SHISAL1: variants seen among roughly 807,000 people sequenced by gnomAD.
SHISAL1 encodes the protein protein shisa-like-1.
SHISAL1 carries 9 observed loss-of-function variants against 22.6 expected under a neutral mutation model. That is an observed-to-expected ratio of 0.40 (90% CI 0.24 to 0.70). SHISAL1 has a LOEUF of 0.70. Among genes scored for constraint, SHISAL1 ranks in the 30% least tolerant of loss-of-function variants. SHISAL1 has a pLI of 0.39. For synonymous variants in SHISAL1, 119 were observed against 115.4 expected (o/e 1.03, Z -0.20); for missense variants, 246 against 270.6 (o/e 0.91, Z 0.64).
At chr22:44,252,849 T>C (rs112033551) in intron 4 of SHISAL1, among the ~76,000 whole-genome samples, 1 of 150,434 alleles carries the variant, frequency 6.6e-6, no homozygotes, top group Non-Finnish European at 1.5e-5. Flanking sequence ...AAAAAAATTA[T>C]CCGGGCGTGG....
At chr22:44,326,726 G>C in the SHISAL1 span, among the ~76,000 whole-genome samples, 6 of 152,080 alleles carry the variant, frequency 3.9e-5, no homozygotes, top group Non-Finnish European at 7.4e-5. Context: ...GAGCAGGCTG[G>C]GGGGTATGGG....
intron 3 of SHISAL1, among the ~76,000 whole-genome samples, chr22:44,287,982 G>A (rs1052456457): frequency 6.6e-6 from 1 of 152,216 alleles, no homozygotes; most frequent in Admixed American, 6.5e-5. Context: ...GATGCTGTCC[G>A]CAGAAGGGGT....
At chr22:44,327,462 T>C in the SHISAL1 span, among the ~76,000 whole-genome samples, 1 of 151,596 alleles carries the variant, frequency 6.6e-6, no homozygotes, top group Non-Finnish European at 1.5e-5. Context: ...AAGGGGCTCA[T>C]GATAACTGGG....
At chr22:44,294,488 C>T (rs2055373241) in intron 3 of SHISAL1, among the ~76,000 whole-genome samples, 2 of 152,170 alleles carry the variant, frequency 1.3e-5, no homozygotes, top group South Asian at 2.1e-4. Flanking sequence ...TGAAAAAATA[C>T]ATCTGCCCCA....
chr22:44,330,110 T>C, the SHISAL1 span, among the ~76,000 whole-genome samples: 51 of 152,326 alleles, frequency 3.3e-4, no homozygotes, highest in African/African-American at 1.2e-3. Flanking sequence ...AGGGCCCTCA[T>C]TTTATAGTCT....
At chr22:44,300,124 CAG>C (rs199708708) in intron 2 of SHISAL1, among the ~76,000 whole-genome samples, 106 of 149,474 alleles carry the variant, frequency 7.1e-4, no homozygotes, top group African/African-American at 2.5e-3. Context: ...GAGACAGAGA[CAG>C]AGAGACAGAG....
the SHISAL1 span, among the ~76,000 whole-genome samples, chr22:44,318,900 C>T: frequency 6.6e-6 from 1 of 152,194 alleles, no homozygotes; most frequent in East Asian, 1.9e-4. Context: ...GACTGGCACC[C>T]AGATCTCTCA....
intron 1 of SHISAL1, among the ~76,000 whole-genome samples, chr22:44,308,554 G>A (rs1382231570): frequency 2.0e-5 from 3 of 152,152 alleles, no homozygotes; most frequent in African/African-American, 7.2e-5. Context: ...CACCTCTCAG[G>A]GCAGTTCTTC....
chr22:44,259,403 A>C (rs1478493117), intron 4 of SHISAL1, among the ~76,000 whole-genome samples: 1 of 151,774 alleles, frequency 6.6e-6, no homozygotes, highest in Non-Finnish European at 1.5e-5. Context: ...GCGCCACTGC[A>C]CTCCAGCTCG....
intron 4 of SHISAL1, among the ~76,000 whole-genome samples, chr22:44,268,559 A>G (rs978468733): frequency 5.3e-5 from 8 of 152,182 alleles, no homozygotes; most frequent in African/African-American, 1.9e-4. Flanking sequence ...CGGGACTCCC[A>G]GCCCAGGGTT....
chr22:44,324,407 G>A, the SHISAL1 span, among the ~76,000 whole-genome samples: 1 of 152,124 alleles, frequency 6.6e-6, no homozygotes, highest in Non-Finnish European at 1.5e-5. Context: ...CAGGCTTGGT[G>A]GTCCCTACTC....
chr22:44,251,968 A>T (rs890676662), intron 4 of SHISAL1, among the ~76,000 whole-genome samples: 1 of 152,268 alleles, frequency 6.6e-6, no homozygotes, highest in Non-Finnish European at 1.5e-5. Context: ...CATAAAAAGG[A>T]TGAGCAGAAG....
intron 1 of SHISAL1, among the ~76,000 whole-genome samples, chr22:44,304,662 C>A (rs919368077): frequency 1.3e-5 from 2 of 152,168 alleles, no homozygotes; most frequent in Non-Finnish European, 2.9e-5. Context: ...GAGGATAAGC[C>A]GAGGTCAAGC....
chr22:44,316,872 G>C (rs1360092056), upstream of SHISAL1, among the ~76,000 whole-genome samples: 1 of 152,216 alleles, frequency 6.6e-6, no homozygotes, highest in Non-Finnish European at 1.5e-5. Flanking sequence ...CGGGCAGGAG[G>C]GGGAGCTGGG....
Position 44,271,916 on chromosome 22 carries a change from C to T in SHISAL1, c.599+13512G>A, listed in dbSNP as rs1160394686. 3.3e-5 allele frequency among the ~76,000 whole-genome samples: 5 copies of T among 152,224 alleles called. No homozygotes were observed. In the East Asian group the frequency reaches 9.6e-4, roughly 29 times the overall value. On this transcript the variant is annotated intron_variant, in intron 4 of 4. Coordinates refer to ENST00000381176, the MANE Select transcript of SHISAL1 (RefSeq NM_001099294.2). ...TCACGAGCCCCCAGATTCGCCTGGG[C>T]CTTTGTGGAAGTGTCCTTTTGTTAA...
In SHISAL1 at chr22:44,252,944, C is replaced by T. The variant is rs370055445; in HGVS notation, c.*-3259G>A. 9.3e-5 allele frequency among the ~76,000 whole-genome samples: 14 copies of T among 151,204 alleles called. 1 individual carries two copies. Among genetic ancestry groups the T allele is most frequent in the Non-Finnish European group, 1.2e-4 (8 of 67,886 alleles). ...CCGGGAGGCAGAGGTTGCAGTGAGC[C>T]GAGATCACGCCACTGCACTCCAGCC... On this transcript the variant is annotated intron_variant, in intron 4 of 4. Transcript: ENST00000381176.
At chr22:44,313,961 G>A (rs1233554554), upstream of SHISAL1, among the ~76,000 whole-genome samples, 1 of 152,180 alleles carries the variant, frequency 6.6e-6, no homozygotes, top group Non-Finnish European at 1.5e-5. Flanking sequence ...TGGGTGCCAC[G>A]ATGGGAAACC....
intron 3 of SHISAL1, 51 bp downstream of exon 3, chr22:44,296,621 C>T: frequency 2.6e-6 from 4 of 1,565,148 alleles, no homozygotes; most frequent in Non-Finnish European, 3.5e-6. Flanking sequence ...GAGGCAGGCC[C>T]CTTGCCTGGG....
At chr22:44,303,462 A>T (rs1343187836) in intron 1 of SHISAL1, among the ~76,000 whole-genome samples, 1 of 152,118 alleles carries the variant, frequency 6.6e-6, no homozygotes, top group Non-Finnish European at 1.5e-5. Context: ...CAGGGAAAAC[A>T]CTATGGGAAG....
Sources: allele counts gnomAD v4.1 joint callset (sites outside exome capture counted in the v4.1 genomes callset), GRCh38; gene constraint gnomAD v4.1.1; transcripts MANE v1.5; gene names NCBI Gene and HGNC (gene_info 2026-07-23, HGNC 2026-07-21).